SLC13A1: variants seen among roughly 807,000 people sequenced by gnomAD.
The protein encoded by SLC13A1 is solute carrier family 13 member 1.
A neutral mutation model predicts 70.0 loss-of-function variants in SLC13A1; 65 were observed. That is an observed-to-expected ratio of 0.93 (90% CI 0.76 to 1.14). SLC13A1 has a LOEUF of 1.14. Ranked by LOEUF, SLC13A1 falls within the 50% of genes most tolerant of loss-of-function variation. The pLI is 0.00. For synonymous variants in SLC13A1, 275 were observed against 250.5 expected (o/e 1.10, Z -0.92); for missense variants, 726 against 717.8 (o/e 1.01, Z -0.13).
intron 6 of SLC13A1, 84 bp from the exon 7 acceptor site, chr7:123,147,394 A>G (rs1225899617): frequency 2.0e-6 from 3 of 1,466,434 alleles, no homozygotes; most frequent in African/African-American, 1.4e-5. Context: ...CACCCGCACC[A>G]ATTCATATGT....
In SLC13A1 at chr7:123,115,463, C is replaced by A; in HGVS notation, c.*55G>T. 2 of 1,562,082 alleles carry A rather than the reference C, an allele frequency of 1.3e-6. No individual in the cohort carries two copies. The highest frequency in any genetic ancestry group is 2.3e-5 in the South Asian group (2 of 87,150). Reference sequence around the variant, plus strand: ...GTTATTTAGAGCCACATTTTACAGTCAATCATTAATGTCTTCCAGAAATTA... The same window carrying A: ...GTTATTTAGAGCCACATTTTACAGTAAATCATTAATGTCTTCCAGAAATTA... On this transcript the variant is annotated 3_prime_UTR_variant, in exon 15 of 15. Transcript: ENST00000194130.
At chr7:123,148,074 C>A (rs1794425508) in intron 6 of SLC13A1, among the ~76,000 whole-genome samples, 1 of 152,110 alleles carries the variant, frequency 6.6e-6, no homozygotes. Context: ...AGTCAGTGTC[C>A]TCTTTGCTCC....
chr7:123,181,933 A>C (rs1795655070), intron 1 of SLC13A1, among the ~76,000 whole-genome samples: 1 of 152,108 alleles, frequency 6.6e-6, no homozygotes, highest in Non-Finnish European at 1.5e-5. Context: ...GAAGTTATTA[A>C]GCTTTTATTT....
intron 8 of SLC13A1, among the ~76,000 whole-genome samples, chr7:123,133,876 C>T (rs1427627449): frequency 4.6e-5 from 7 of 151,926 alleles, no homozygotes; most frequent in African/African-American, 1.5e-4. Context: ...CGTTCTCTGT[C>T]GCCCAGGCTG....
chr7:123,174,376 A>G (rs939776167), intron 2 of SLC13A1, among the ~76,000 whole-genome samples: 12 of 152,020 alleles, frequency 7.9e-5, no homozygotes, highest in Admixed American at 7.2e-4. Flanking sequence ...CTTCAAACAC[A>G]TTCTCCCTTT....
intron 1 of SLC13A1, among the ~76,000 whole-genome samples, chr7:123,187,484 C>G (rs1474258377): frequency 6.6e-6 from 1 of 152,124 alleles, no homozygotes; most frequent in Admixed American, 6.5e-5. Context: ...ACAAATAAAA[C>G]ATTCCATATT....
chr7:123,168,346 T>G (rs1020420089), intron 6 of SLC13A1, 28 bp downstream of exon 6: 2 of 1,434,564 alleles, frequency 1.4e-6, no homozygotes, highest in East Asian at 2.3e-5. Context: ...TTGTATATAA[T>G]TATTTAGAAA....
chr7:123,146,747 C>T (rs2116413139), intron 7 of SLC13A1, among the ~76,000 whole-genome samples: 1 of 152,266 alleles, frequency 6.6e-6, no homozygotes. Context: ...CAAAGCCAAG[C>T]CTTCCAAAAT....
chr7:123,182,679 C>A (rs957179488), intron 1 of SLC13A1, among the ~76,000 whole-genome samples: 1 of 152,084 alleles, frequency 6.6e-6, no homozygotes, highest in Non-Finnish European at 1.5e-5. Flanking sequence ...ACCATATACA[C>A]CCCCTGCCTT....
intron 1 of SLC13A1, among the ~76,000 whole-genome samples, chr7:123,193,076 G>A (rs1455599949): frequency 6.6e-6 from 1 of 152,012 alleles, no homozygotes; most frequent in East Asian, 1.9e-4. Context: ...AGTGGAACTG[G>A]AAAAAGGTAC....
chr7:123,168,542 T>G lies in SLC13A1; in HGVS notation c.573A>C (p.Glu191Asp), dbSNP rs761562002. 1.2e-6 allele frequency: 2 copies of G among 1,609,248 alleles called. No individual in the cohort carries two copies. The highest frequency in any genetic ancestry group is 1.7e-6 in the Non-Finnish European group (2 of 1,176,584). The change falls in exon 5 of 15, where the codon GAA (glutamate) becomes GAC (aspartate). Residue 191 changes from glutamate to aspartate, a missense_variant. Transcript: ENST00000194130. ...TTGTTTTCTCTTTCCTCTCATTTAT[T>G]TCATGTCCATTAACACTTTCTGCAA... ...LEIDESVNGH[E>D]INERKEKTKP...
intron 1 of SLC13A1, among the ~76,000 whole-genome samples, chr7:123,183,556 A>G (rs1461002895): frequency 6.6e-6 from 1 of 152,160 alleles, no homozygotes; most frequent in African/African-American, 2.4e-5. Flanking sequence ...TTTGTCATTC[A>G]AGAATCAACA....
chr7:123,121,869 T>G (rs1321189968), intron 12 of SLC13A1, among the ~76,000 whole-genome samples: 2 of 152,010 alleles, frequency 1.3e-5, no homozygotes, highest in African/African-American at 4.8e-5. Flanking sequence ...TACAGTCCAG[T>G]TTTTAGGGGC....
intron 7 of SLC13A1, 115 bp downstream of exon 7, chr7:123,147,044 A>G: frequency 3.9e-6 from 4 of 1,017,394 alleles, no homozygotes; most frequent in Non-Finnish European, 5.7e-6. Flanking sequence ...GAAGGGAAAC[A>G]AGGGAGAGTT....
chr7:123,197,132 G>C (rs1017180396), intron 1 of SLC13A1, among the ~76,000 whole-genome samples: 2 of 152,142 alleles, frequency 1.3e-5, no homozygotes, highest in Admixed American at 6.6e-5. Context: ...TGAAAAACCA[G>C]TTAGGGTCTT....
intron 6 of SLC13A1, among the ~76,000 whole-genome samples, chr7:123,167,734 G>C (rs189620298): frequency 6.7e-4 from 102 of 152,030 alleles, no homozygotes; most frequent in African/African-American, 2.2e-3. Flanking sequence ...TCCTCCACCT[G>C]TATTTGACAG....
intron 1 of SLC13A1, among the ~76,000 whole-genome samples, chr7:123,185,882 T>C (rs906812509): frequency 2.6e-5 from 4 of 152,066 alleles, no homozygotes; most frequent in African/African-American, 4.8e-5. Context: ...CTCATTAGTA[T>C]TTCCTTTCAT....
intron 6 of SLC13A1, among the ~76,000 whole-genome samples, chr7:123,164,970 A>G (rs1795023134): frequency 6.6e-6 from 1 of 152,028 alleles, no homozygotes; most frequent in South Asian, 2.1e-4. Flanking sequence ...AATTCAATAG[A>G]ATATCCTACC....
At chr7:123,134,017 G>A (rs563951408) in intron 8 of SLC13A1, among the ~76,000 whole-genome samples, 4 of 151,956 alleles carry the variant, frequency 2.6e-5, no homozygotes, top group African/African-American at 9.6e-5. Flanking sequence ...CTTTTAGGGG[G>A]GAGGTTTTTT....
Sources: allele counts gnomAD v4.1 joint callset (sites outside exome capture counted in the v4.1 genomes callset), GRCh38; gene constraint gnomAD v4.1.1; transcripts MANE v1.5; gene names NCBI Gene and HGNC (gene_info 2026-07-23, HGNC 2026-07-21).